Variants in AKR1D1 observed in about 807,000 individuals in gnomAD.
The protein encoded by AKR1D1 is delta(4)-3-ketosteroid 5-beta-reductase.
In AKR1D1, 32 loss-of-function variants were observed where a neutral mutation model predicts 42.6. The observed-to-expected ratio is 0.75, with a 90% CI of 0.57 to 1.01. AKR1D1 has a LOEUF of 1.01. Among genes scored for constraint, AKR1D1 ranks in the 50% least tolerant of loss-of-function variants. AKR1D1 has a pLI of 0.00. For synonymous variants in AKR1D1, 123 were observed against 135.5 expected (o/e 0.91, Z 0.64); for missense variants, 364 against 402.2 (o/e 0.91, Z 0.81).
chr7:138,080,576 CA>C (rs1283977152), intron 1 of AKR1D1, among the ~76,000 whole-genome samples: 2 of 152,054 alleles, frequency 1.3e-5, no homozygotes, highest in South Asian at 2.1e-4. Context: ...TATGCATATA[CA>C]AAAAAGTCTT....
At chr7:138,114,472 C>T (rs996477043) in intron 8 of AKR1D1, among the ~76,000 whole-genome samples, 2 of 151,898 alleles carry the variant, frequency 1.3e-5, no homozygotes, top group Non-Finnish European at 2.9e-5. Flanking sequence ...TCAGCCTGGC[C>T]AACATGGAGA....
At chr7:138,107,619 T>A (rs748251706) in intron 7 of AKR1D1, 39 bp downstream of exon 7, 2 of 1,608,180 alleles carry the variant, frequency 1.2e-6, no homozygotes, top group South Asian at 2.2e-5. Flanking sequence ...AAGATGGGTA[T>A]GTTTGCTATT....
Position 138,105,390 on chromosome 7 carries a change from G to A in AKR1D1, c.540G>A (p.Leu180=). ...NFNRRQLELI[L]NKPGLKHKPV... ...ACCGCAGGCAGCTGGAGCTCATCCT[G>A]AACAAGCCAGGACTCAAACACAAGC... Residue 180 remains leucine, a synonymous_variant, in exon 5 of 9, where the codon CTG becomes CTA. Coordinates refer to ENST00000242375, the MANE Select transcript of AKR1D1 (RefSeq NM_005989.4). 6.2e-7 allele frequency: 1 copy of A among 1,613,986 alleles called. No homozygotes were observed. The highest frequency in any genetic ancestry group is 1.1e-5 in the South Asian group (1 of 91,078).
Position 138,113,722 on chromosome 7 carries a change from G to T in AKR1D1, c.888G>T (p.Met296Ile), listed in dbSNP as rs868842878. Residue 296 changes from methionine (M) to isoleucine (I), a missense_variant, in exon 8 of 9, where the codon ATG (methionine) becomes ATT (isoleucine). Physicochemically the swap from Met to Ile is conservative, Grantham distance 10. Transcript: ENST00000242375. ...ACTTTTCTCTCACTGAAGAAGAAAT[G>T]AAGGACATTGAAGCCTTGAATAAAA... ...IFDFSLTEEE[M>I]KDIEALNKNV... 6.2e-7 allele frequency: 1 copy of T among 1,613,996 alleles called. No individual in the cohort carries two copies. The highest frequency in any genetic ancestry group is 1.3e-5 in the African/African-American group (1 of 74,916).
At chr7:138,093,161 C>T (rs1300357173) in intron 3 of AKR1D1, among the ~76,000 whole-genome samples, 1 of 151,438 alleles carries the variant, frequency 6.6e-6, no homozygotes. Flanking sequence ...TTCCGCCTCC[C>T]GGGTTCAAGC....
intron 4 of AKR1D1, among the ~76,000 whole-genome samples, chr7:138,103,341 C>T (rs538164819): frequency 1.3e-5 from 2 of 152,120 alleles, no homozygotes; most frequent in African/African-American, 4.8e-5. Flanking sequence ...TAATACGCTA[C>T]AATTAAAGTT....
intron 8 of AKR1D1, among the ~76,000 whole-genome samples, chr7:138,114,253 C>T (rs1040107102): frequency 6.6e-5 from 10 of 152,128 alleles, no homozygotes; most frequent in African/African-American, 2.4e-4. Flanking sequence ...TTTTAGTTTC[C>T]AGCTCTACCT....
At chr7:138,085,446 C>CTT (rs67935838) in intron 1 of AKR1D1, among the ~76,000 whole-genome samples, 2,797 of 129,768 alleles carry the variant, frequency 0.022, 121 homozygotes, top group African/African-American at 0.066. Flanking sequence ...CTTTTCTTTC[C>CTT]TTTTTTTTTT....
rs756478701 is a variant in AKR1D1 at position 138,113,756 on chromosome 7, T to C, written c.922T>C (p.Phe308Leu). The C allele has an allele frequency of 5.6e-6, 9 of 1,614,020 alleles. No homozygotes were observed. The highest frequency in any genetic ancestry group is 7.6e-6 in the Non-Finnish European group (9 of 1,179,978). Reference protein sequence around the residue: ...DIEALNKNVRFVELLMWRDHP... With the variant: ...DIEALNKNVRLVELLMWRDHP... Reference sequence around the variant, plus strand: ...TGAAGCCTTGAATAAAAATGTCCGCTTTGTAGAATTGCTCATGTAAGTTCC... The same window carrying C: ...TGAAGCCTTGAATAAAAATGTCCGCCTTGTAGAATTGCTCATGTAAGTTCC... Residue 308 changes from phenylalanine (F) to leucine (L), a missense_variant, in exon 8 of 9, where the codon TTT (phenylalanine) becomes CTT (leucine). Phe to Leu is a conservative substitution (Grantham distance 22). Transcript: ENST00000242375.
At position 138,108,384 on chromosome 7, in the gene AKR1D1, T is replaced by G. The variant is rs139847652; in HGVS notation, c.855+804T>G. Among the ~76,000 whole-genome samples the G allele has an allele frequency of 7.6e-4, 115 of 152,314 alleles. 3 individuals carry two copies. The East Asian group carries it at 0.021, about 28-fold the overall frequency. Reference sequence around the variant, plus strand: ...ATTGCCTGTTTAGCCCTACTCATAATTAAAGATAAATAAAAAGTAAGATAC... The same window carrying G: ...ATTGCCTGTTTAGCCCTACTCATAAGTAAAGATAAATAAAAAGTAAGATAC... On this transcript the variant is annotated intron_variant, in intron 7 of 8. Transcript: ENST00000242375.
Position 138,105,347 on chromosome 7 carries a change from T to C in AKR1D1, c.497T>C (p.Leu166Pro), listed in dbSNP as rs1220215333. Residue 166 changes from leucine to proline, a missense_variant, in exon 5 of 9, where the codon CTG becomes CCG. By Grantham distance (98) the Leu-to-Pro change is moderately conservative. Transcript: ENST00000242375. The stretch of plus-strand genomic sequence containing the variant: ...AAAGACGCTGGCTTGGTGAAATCCC[T>C]GGGAGTGTCCAATTTTAACCGCAGG... Reference protein sequence around the residue: ...ACKDAGLVKSLGVSNFNRRQL... With the variant: ...ACKDAGLVKSPGVSNFNRRQL... 3.0e-5 allele frequency: 48 copies of C among 1,614,044 alleles called. No homozygotes were observed. The highest frequency in any genetic ancestry group is 3.8e-5 in the Non-Finnish European group (45 of 1,180,038).
Position 138,105,344 on chromosome 7 carries a change from C to T in AKR1D1, c.494C>T (p.Ser165Phe). Reference sequence around the variant, plus strand: ...TGCAAAGACGCTGGCTTGGTGAAATCCCTGGGAGTGTCCAATTTTAACCGC... The same window carrying T: ...TGCAAAGACGCTGGCTTGGTGAAATTCCTGGGAGTGTCCAATTTTAACCGC... ...EACKDAGLVK[S>F]LGVSNFNRRQ... Residue 165 changes from serine (S) to phenylalanine (F), a missense_variant, in exon 5 of 9, where the codon TCC becomes TTC. Transcript: ENST00000242375. 1.2e-6 allele frequency: 2 copies of T among 1,614,120 alleles called. No individual in the cohort carries two copies. The highest frequency in any genetic ancestry group is 4.5e-5 in the East Asian group (2 of 44,868).
At chr7:138,082,257 A>G (rs1562929921) in intron 1 of AKR1D1, among the ~76,000 whole-genome samples, 1 of 152,148 alleles carries the variant, frequency 6.6e-6, no homozygotes. Context: ...TTTTGTTTAT[A>G]GAATTGCTGT....
At chr7:138,095,640 C>T (rs1265176732) in intron 3 of AKR1D1, among the ~76,000 whole-genome samples, 1 of 152,136 alleles carries the variant, frequency 6.6e-6, no homozygotes, top group East Asian at 1.9e-4. Flanking sequence ...ATTCTCTTGC[C>T]TCAGCCTGCT....
intron 7 of AKR1D1, 50 bp from the exon 8 acceptor site, chr7:138,113,640 T>C: frequency 6.5e-7 from 1 of 1,548,636 alleles, no homozygotes; most frequent in Non-Finnish European, 8.9e-7. Context: ...CCCCACTTTC[T>C]GATCCCAAGC....
At chr7:138,078,326 A>G (rs1802984834) in intron 1 of AKR1D1, among the ~76,000 whole-genome samples, 1 of 152,196 alleles carries the variant, frequency 6.6e-6, no homozygotes, top group African/African-American at 2.4e-5. Flanking sequence ...AAGAAAGAGC[A>G]TCACTAGATC....
chr7:138,109,358 C>A (rs1486539767), intron 7 of AKR1D1, among the ~76,000 whole-genome samples: 1 of 152,206 alleles, frequency 6.6e-6, no homozygotes, highest in African/African-American at 2.4e-5. Context: ...TCCTCTCTCT[C>A]TCTCCCTCCT....
At chr7:138,078,555 C>G (rs181931839) in intron 1 of AKR1D1, among the ~76,000 whole-genome samples, 28 of 152,316 alleles carry the variant, frequency 1.8e-4, no homozygotes, top group African/African-American at 6.7e-4. Flanking sequence ...TTTCTTTGCA[C>G]AATGTCTCTT....
rs574470213 is a variant in AKR1D1, at chr7:138,084,256, C to A, written c.94-4345C>A. Among the ~76,000 whole-genome samples the A allele has an allele frequency of 6.7e-5, 9 of 134,714 alleles. 1 individual carries two copies. In the South Asian group the frequency reaches 1.9e-3, roughly 29 times the overall value. 88.4% of individuals were successfully genotyped at this position (134,714 alleles called of 152,430 possible). On this transcript the variant is annotated intron_variant, in intron 1 of 8. Coordinates refer to ENST00000242375, the MANE Select transcript of AKR1D1 (RefSeq NM_005989.4). Reference sequence around the variant, plus strand: ...AATCTTTTCAAAAGTTTTAATCTAGCTTTTTTTTTTTTTTTTCTTTTTTTG... The same window carrying A: ...AATCTTTTCAAAAGTTTTAATCTAGATTTTTTTTTTTTTTTTCTTTTTTTG...
Sources: allele counts gnomAD v4.1 joint callset (sites outside exome capture counted in the v4.1 genomes callset), GRCh38; gene constraint gnomAD v4.1.1; transcripts MANE v1.5; gene names NCBI Gene and HGNC (gene_info 2026-07-23, HGNC 2026-07-21).